The following DHX37 variants were observed in gnomAD, a reference collection of about 807,000 sequenced individuals.
The protein encoded by DHX37 is DEAH-box helicase 37, also known as probable ATP-dependent RNA helicase DHX37.
DHX37 carries 52 observed loss-of-function variants against 134.3 expected under a neutral mutation model. That is an observed-to-expected ratio of 0.39 (90% CI 0.31 to 0.49). The LOEUF is 0.49. Ranked by LOEUF, DHX37 falls within the 20% of genes least tolerant of loss-of-function variation. The pLI is 0.93. For synonymous variants in DHX37, 634 were observed against 670.7 expected (o/e 0.95, Z 0.85); for missense variants, 1,344 against 1,580.8 (o/e 0.85, Z 2.54).
Position 124,980,822 on chromosome 12 carries a change from C to A in DHX37, c.406G>T (p.Val136Leu). The part of the protein sequence containing the change: ...YHTKEKADEV[V>L]APGQEKISSL... ...CTGATCTTCTCCTGGCCCGGGGCTA[C>A]CACCTCGTCAGCCTTCCTGTTGAGA... Residue 136 changes from valine (V) to leucine (L), a missense_variant, in exon 4 of 27, where the codon GTA becomes TTA. Around this residue, in one of 7 missense-constraint regions of DHX37, gnomAD observed 319 missense variants for 296.1 expected, o/e 1.08. Coordinates refer to ENST00000308736, the MANE Select transcript of DHX37 (RefSeq NM_032656.4). This position sits in a 1 kb window ranked among gnomAD's most constrained non-coding sequence, Gnocchi z 5.3. 1 of 1,554,338 alleles carries A rather than the reference C, an allele frequency of 6.4e-7. No homozygotes were observed.
chr12:124,964,604 C>A lies in DHX37; in HGVS notation c.1835G>T (p.Gly612Val). The change falls in exon 15 of 27, where the codon GGG becomes GTG. Residue 612 changes from glycine to valine, a missense_variant. Coordinates refer to ENST00000308736, the MANE Select transcript of DHX37 (RefSeq NM_032656.4). Reference protein sequence around the residue: ...QAQVFKPPPEGTRLCVVATNV... With the variant: ...QAQVFKPPPEVTRLCVVATNV... ...GGTGGCCACAACACACAACCGAGTC[C>A]CCTCCGGTGGAGGCTTAAAGACCTA... is the stretch of plus-strand genomic sequence containing the variant. 6.2e-7 allele frequency: 1 copy of A among 1,612,128 alleles called. No homozygotes were observed. Among genetic ancestry groups the A allele is most frequent in the Non-Finnish European group, 8.5e-7 (1 of 1,179,488 alleles).
chr12:124,982,135 C>CAAA (rs113891297), intron 3 of DHX37, among the ~76,000 whole-genome samples: 3 of 144,504 alleles, frequency 2.1e-5, no homozygotes, highest in African/African-American at 7.6e-5. Flanking sequence ...AAAAAAAAAA[C>CAAA]AAAAAAAAAC....
rs199955593 is a variant in DHX37 at position 124,950,519 on chromosome 12, C to T, written c.3015G>A (p.Pro1005=). The T allele has an allele frequency of 1.2e-4, 183 of 1,564,910 alleles. No homozygotes were observed. The highest frequency in any genetic ancestry group is 1.5e-4 in the Non-Finnish European group (171 of 1,155,600). ...ACTGGCAGTAAGAGGGCAGCAGGGC[C>T]GGGATCCACTGGACCTCCACGCTAG... The part of the protein sequence containing the change: ...GVSSVEVQWI[P]ALLPSYCQFD... Residue 1005 remains proline (P), a synonymous_variant, in exon 23 of 27, where the codon CCG becomes CCA. Transcript: ENST00000308736.
chr12:124,950,091 C>G (rs373400558), intron 24 of DHX37, 32 bp from the exon 25 acceptor site: 2 of 1,613,818 alleles, frequency 1.2e-6, no homozygotes, highest in South Asian at 2.2e-5. Flanking sequence ...GGGTGAGGCC[C>G]GGGCTGCTGC....
chr12:124,958,328 G>C (rs1022822277), intron 16 of DHX37, among the ~76,000 whole-genome samples: 1 of 152,176 alleles, frequency 6.6e-6, no homozygotes, highest in Non-Finnish European at 1.5e-5. Context: ...AGGCAGGAGG[G>C]GGCCTGCTCT....
Position 124,947,846 on chromosome 12 carries a change from G to T in DHX37, c.3430C>A (p.His1144Asn). Residue 1144 changes from histidine to asparagine, a missense_variant, in exon 27 of 27, where the codon CAC becomes AAC. His to Asn is a moderately conservative substitution (Grantham distance 68). Around this residue, in one of 7 missense-constraint regions of DHX37, gnomAD observed 558 missense variants for 650.0 expected, o/e 0.86. Transcript: ENST00000308736. ...GGCCAGGCTTTCTCGATATCGGGGT[G>T]CATGGCCTGTGGAAGCCACTCACAG... is the stretch of plus-strand genomic sequence containing the variant. The part of the protein sequence containing the change: ...EYCEWLPQAM[H>N]PDIEKAWPPT... 1 of 1,607,666 alleles carries T rather than the reference G, an allele frequency of 6.2e-7. No individual in the cohort carries two copies. The highest frequency in any genetic ancestry group is 8.5e-7 in the Non-Finnish European group (1 of 1,176,558).
At chr12:124,978,024 G>A (rs1413599820) in intron 4 of DHX37, among the ~76,000 whole-genome samples, 3 of 152,160 alleles carry the variant, frequency 2.0e-5, no homozygotes, top group Non-Finnish European at 2.9e-5. Flanking sequence ...GCAATGGCGC[G>A]ATCTCGGCTC....
At position 124,955,369 on chromosome 12, in the gene DHX37, C is replaced by G. The variant is rs568223409; in HGVS notation, c.2454-1158G>C. ...TGCTCCTGGTTCTTGGGCCTTCAGA[C>G]CCCAACTGAAACTGACACCACTTTC... is the stretch of plus-strand genomic sequence containing the variant. On this transcript the variant is annotated intron_variant, in intron 18 of 26. Coordinates refer to ENST00000308736, the MANE Select transcript of DHX37 (RefSeq NM_032656.4). Among the ~76,000 whole-genome samples the G allele has an allele frequency of 5.3e-5, 8 of 152,354 alleles. No homozygotes were observed. The South Asian group carries it at 1.7e-3, about 32-fold the overall frequency.
intron 10 of DHX37, among the ~76,000 whole-genome samples, chr12:124,968,127 A>G (rs1320228935): frequency 1.3e-5 from 2 of 152,048 alleles, no homozygotes; most frequent in Admixed American, 1.3e-4. Context: ...ATTCACACAG[A>G]AAGGTCACAT....
At chr12:124,983,441 ACACAG>A (rs1954797093) in intron 2 of DHX37, among the ~76,000 whole-genome samples, 1 of 151,636 alleles carries the variant, frequency 6.6e-6, no homozygotes, top group Non-Finnish European at 1.5e-5. Context: ...ACACACACAC[ACACAG>A]AACAAGGTAT....
intron 20 of DHX37, 26 bp from the exon 21 acceptor site, chr12:124,952,596 C>A: frequency 6.5e-7 from 1 of 1,541,750 alleles, no homozygotes. Flanking sequence ...AGAGTGAGGT[C>A]GGTGGTGGCA....
At chr12:124,953,703 T>G (rs1230978007) in intron 20 of DHX37, 177 bp downstream of exon 20, 2 of 1,139,292 alleles carry the variant, frequency 1.8e-6, no homozygotes, top group African/African-American at 3.1e-5. Flanking sequence ...GCCCTGCTCA[T>G]GTGCACATTC....
In DHX37 at chr12:124,982,600, C is replaced by G; in HGVS notation, c.300G>C (p.Leu100=). 6.2e-7 allele frequency: 1 copy of G among 1,613,660 alleles called. No individual in the cohort carries two copies. Residue 100 remains leucine, a synonymous_variant, in exon 3 of 27, where the codon CTG becomes CTC. Transcript: ENST00000308736. The part of the protein sequence containing the change: ...KSQRAEMLQK[L]SEVQASEAEM... The stretch of plus-strand genomic sequence containing the variant: ...CAGCTTCGGAAGCCTGGACTTCACT[C>G]AGCTTCTGTAGCATCTCTGCTCGCT...
chr12:124,950,631 G>C, intron 22 of DHX37, 59 bp downstream of exon 22: 2 of 1,589,066 alleles, frequency 1.3e-6, no homozygotes, highest in South Asian at 1.1e-5. Context: ...CAGGGTCCCA[G>C]CCACACCCCC....
intron 8 of DHX37, among the ~76,000 whole-genome samples, chr12:124,970,702 G>A (rs1954499987): frequency 6.6e-6 from 1 of 152,224 alleles, no homozygotes; most frequent in South Asian, 2.1e-4. Flanking sequence ...GGAACTGTTA[G>A]AACAAGACAG....
chr12:124,954,080 C>A lies in DHX37; in HGVS notation c.2578+7G>T. Reference sequence around the variant, plus strand: ...TCCCGCCACCCTCCAACGGGCAGGGCACAAACCCAGCAGCACCATGAGGTC... The same window carrying A: ...TCCCGCCACCCTCCAACGGGCAGGGAACAAACCCAGCAGCACCATGAGGTC... On this transcript the variant is annotated splice_region_variant and intron_variant, in intron 19 of 26. Coordinates refer to ENST00000308736, the MANE Select transcript of DHX37 (RefSeq NM_032656.4). 2.5e-6 allele frequency: 4 copies of A among 1,606,930 alleles called. No individual in the cohort carries two copies. The highest frequency in any genetic ancestry group is 3.4e-6 in the Non-Finnish European group (4 of 1,175,488).
chr12:124,965,739 T>C lies in DHX37; in HGVS notation c.1664A>G (p.Glu555Gly). 6.2e-7 allele frequency: 1 copy of C among 1,613,974 alleles called. No homozygotes were observed. Among genetic ancestry groups the C allele is most frequent in the Non-Finnish European group, 8.5e-7 (1 of 1,179,930 alleles). The change falls in exon 13 of 27, where the codon GAA becomes GGA. Residue 555 changes from glutamate (E) to glycine (G), a missense_variant. Transcript: ENST00000308736. ...CAGGGCCCCCTCTTCCTCATCCACTTCTGCCTCCCTGTCCTCATCGCCTTC... is the reference window on the plus strand; with the variant it reads ...CAGGGCCCCCTCTTCCTCATCCACTCCTGCCTCCCTGTCCTCATCGCCTTC... ...AGEGDEDREA[E>G]VDEEEGALDS... is the part of the protein sequence containing the mutation.
Position 124,980,282 on chromosome 12 carries a change from G to A in DHX37, c.738+208C>T, listed in dbSNP as rs1021454113. ...CCAGGGCCCCGAGCCTGCCAGGCGT[G>A]CCGCCAGACACCCGCCCTGCACTGT... is the stretch of plus-strand genomic sequence containing the variant. On this transcript the variant is annotated intron_variant, in intron 4 of 26. Transcript: ENST00000308736. The surrounding 1 kb of genome is among the most constrained non-coding windows in gnomAD (Gnocchi z 5.3). 2.0e-5 allele frequency among the ~76,000 whole-genome samples: 3 copies of A among 152,200 alleles called. No homozygotes were observed. The highest frequency in any genetic ancestry group is 7.2e-5 in the African/African-American group (3 of 41,456).
chr12:124,952,347 C>G, intron 21 of DHX37, 51 bp downstream of exon 21: 2 of 1,538,716 alleles, frequency 1.3e-6, no homozygotes, highest in South Asian at 2.4e-5. Flanking sequence ...CCCGCCTGCC[C>G]CTCACCAGGT....
Sources: allele counts gnomAD v4.1 joint callset (sites outside exome capture counted in the v4.1 genomes callset), GRCh38; gene constraint gnomAD v4.1.1; regional missense constraint gnomAD v4.1.1; non-coding constraint Gnocchi (gnomAD v3.1); transcripts MANE v1.5; gene names NCBI Gene and HGNC (gene_info 2026-07-23, HGNC 2026-07-21).